Variants in TENM1 observed in about 807,000 individuals in gnomAD.
TENM1 encodes teneurin transmembrane protein 1.
A neutral mutation model predicts 174.8 loss-of-function variants in TENM1; 35 were observed. That is an observed-to-expected ratio of 0.20 (90% CI 0.15 to 0.27). The LOEUF is 0.27. Among genes scored for constraint, TENM1 ranks in the 10% least tolerant of loss-of-function variants. TENM1 has a pLI of 1.00. For synonymous variants in TENM1, 781 were observed against 798.7 expected (o/e 0.98, Z 0.37); for missense variants, 1,633 against 2,130.1 (o/e 0.77, Z 4.59).
intron 1 of TENM1, among the ~76,000 whole-genome samples, chrX:124,949,365 C>T (rs1195630525): frequency 8.9e-6 from 1 of 111,886 alleles, no homozygotes; most frequent in Admixed American, 9.5e-5. Context: ...AAGAAAAAAA[C>T]TGTTGAGCAC....
intron 25 of TENM1, among the ~76,000 whole-genome samples, chrX:124,413,630 G>A (rs1231709108): frequency 1.8e-5 from 2 of 112,161 alleles, no homozygotes; most frequent in African/African-American, 3.2e-5. Context: ...CGATAATTCT[G>A]TTTTACTCAC....
chrX:124,522,183 T>A (rs983384138), intron 17 of TENM1, among the ~76,000 whole-genome samples: 2 of 111,645 alleles, frequency 1.8e-5, no homozygotes, highest in Non-Finnish European at 3.8e-5. Flanking sequence ...AGATAAGGGG[T>A]AGCTCTTTGG....
the TENM1 span, among the ~76,000 whole-genome samples, chrX:125,104,936 C>T: frequency 8.9e-6 from 1 of 111,789 alleles, no homozygotes; most frequent in Non-Finnish European, 1.9e-5. Flanking sequence ...TCTTCCATAA[C>T]TAACTATAAA....
intron 5 of TENM1, among the ~76,000 whole-genome samples, chrX:124,675,931 C>A (rs1191257675): frequency 3.7e-5 from 4 of 107,238 alleles, no homozygotes; most frequent in Non-Finnish European, 7.7e-5. Flanking sequence ...TCCAGGCAGA[C>A]AAAACAGAAT....
At chrX:124,843,483 C>A (rs769263473) in intron 3 of TENM1, among the ~76,000 whole-genome samples, 7 of 111,054 alleles carry the variant, frequency 6.3e-5, no homozygotes, top group African/African-American at 1.3e-4. Context: ...TGCCTCCCCC[C>A]CTCCCTACTC....
intron 4 of TENM1, among the ~76,000 whole-genome samples, chrX:124,706,773 CATT>C (rs2052915712): frequency 9.0e-6 from 1 of 111,262 alleles, no homozygotes; most frequent in Non-Finnish European, 1.9e-5. Context: ...GCTGAACACT[CATT>C]AGTATCTCTT....
the TENM1 span, among the ~76,000 whole-genome samples, chrX:125,012,092 C>T: frequency 3.8e-3 from 421 of 111,509 alleles, 5 homozygotes; most frequent in African/African-American, 0.013. Flanking sequence ...GAACAGAAAA[C>T]GAAACACCAC....
At chrX:124,682,667 C>A (rs1017793595) in intron 5 of TENM1, among the ~76,000 whole-genome samples, 1 of 110,959 alleles carries the variant, frequency 9.0e-6, no homozygotes, top group Non-Finnish European at 1.9e-5. Flanking sequence ...GGCACAGACA[C>A]CTGATATGAT....
chrX:125,039,437 C>A, the TENM1 span, among the ~76,000 whole-genome samples: 2 of 110,952 alleles, frequency 1.8e-5, no homozygotes, highest in Non-Finnish European at 3.8e-5. Context: ...CTTCCCTAAT[C>A]TCTACAGGTG....
intron 3 of TENM1, among the ~76,000 whole-genome samples, chrX:124,827,174 C>A (rs2056183024): frequency 9.0e-6 from 1 of 111,473 alleles, no homozygotes; most frequent in Non-Finnish European, 1.9e-5. Context: ...CCTCAGCCTC[C>A]TGAGTAGCTG....
At chrX:125,066,374 C>CATAA in the TENM1 span, among the ~76,000 whole-genome samples, 18 of 112,002 alleles carry the variant, frequency 1.6e-4, no homozygotes, top group Non-Finnish European at 2.6e-4. Context: ...AGCTTACATA[C>CATAA]TTATGCTAAT....
At chrX:124,915,842 A>G (rs2147657271) in intron 1 of TENM1, among the ~76,000 whole-genome samples, 1 of 112,336 alleles carries the variant, frequency 8.9e-6, no homozygotes, top group Non-Finnish European at 1.9e-5. Context: ...TGGAAAAAAG[A>G]TTTTGAAGGT....
chrX:124,417,973 C>G (rs2060612745), intron 25 of TENM1, among the ~76,000 whole-genome samples: 1 of 112,281 alleles, frequency 8.9e-6, no homozygotes, highest in Non-Finnish European at 1.9e-5. Flanking sequence ...GCCCAACTCC[C>G]TGGTCCAAGT....
At chrX:124,721,686 T>C (rs2053312124) in intron 4 of TENM1, among the ~76,000 whole-genome samples, 1 of 112,054 alleles carries the variant, frequency 8.9e-6, no homozygotes, top group Non-Finnish European at 1.9e-5. Context: ...GGACTTACAT[T>C]CCAACACCAA....
In TENM1 at chrX:124,561,176, T is replaced by C. The variant is rs184762601; in HGVS notation, c.2434+495A>G. On this transcript the variant is annotated intron_variant, in intron 14 of 31. Transcript: ENST00000422452. ...ATATTTTAGCATGTCTAGTGCAAAC[T>C]ATGCTAACATCAAACAACTTGAATA... Among the ~76,000 whole-genome samples the C allele has an allele frequency of 3.6e-5, 4 of 112,348 alleles. No homozygotes were observed. The Admixed American group carries it at 3.8e-4, about 11-fold the overall frequency.
intron 11 of TENM1, among the ~76,000 whole-genome samples, chrX:124,568,559 T>A (rs1368422666): frequency 8.9e-6 from 1 of 112,177 alleles, no homozygotes; most frequent in Non-Finnish European, 1.9e-5. Context: ...GTTAGGTAAC[T>A]GGTACTTTGT....
intron 14 of TENM1, among the ~76,000 whole-genome samples, chrX:124,555,675 T>C (rs1340706517): frequency 8.9e-6 from 1 of 111,823 alleles, no homozygotes; most frequent in African/African-American, 3.2e-5. Context: ...ATGACATCAC[T>C]GATACTTTAT....
At chrX:124,588,076 T>G (rs887990211) in intron 11 of TENM1, among the ~76,000 whole-genome samples, 18 of 111,809 alleles carry the variant, frequency 1.6e-4, no homozygotes, top group African/African-American at 4.9e-4. Context: ...ATAGGAACAC[T>G]TTTACACTGT....
At chrX:124,961,315 A>G (rs975405679) in intron 1 of TENM1, among the ~76,000 whole-genome samples, 3 of 111,823 alleles carry the variant, frequency 2.7e-5, no homozygotes, top group African/African-American at 6.5e-5. Context: ...TATTGAGTAT[A>G]CAGTCTAGGA....
Sources: allele counts gnomAD v4.1 joint callset (sites outside exome capture counted in the v4.1 genomes callset), GRCh38; gene constraint gnomAD v4.1.1; transcripts MANE v1.5; gene names NCBI Gene and HGNC (gene_info 2026-07-23, HGNC 2026-07-21).